Variants in ZNF23 observed in about 807,000 individuals in gnomAD.
The protein encoded by ZNF23 is zinc finger protein 23.
A neutral mutation model predicts 56.2 loss-of-function variants in ZNF23; 48 were observed. That is an observed-to-expected ratio of 0.85 (90% CI 0.68 to 1.09). The LOEUF (loss-of-function observed/expected upper bound fraction) is 1.09. ZNF23 is among the 50% of genes least tolerant of loss of function. The pLI, the probability that ZNF23 is intolerant of heterozygous loss-of-function variation, is 0.00. For missense variants in ZNF23, 805 were observed against 811.4 expected, an observed-to-expected ratio of 0.99 and a Z score of 0.10; for synonymous variants, 266 against 283.3, an observed-to-expected ratio of 0.94 and a Z score of 0.61.
intron 4 of ZNF23, 122 bp downstream of exon 4, chr16:71,453,121 T>G: frequency 1.6e-6 from 1 of 641,878 alleles, no homozygotes; most frequent in Non-Finnish European, 2.7e-6. Flanking sequence ...ATCATCAAAA[T>G]TTACTCAAAC....
intron 2 of ZNF23, among the ~76,000 whole-genome samples, chr16:71,455,829 C>A (rs2043210918): frequency 6.6e-6 from 1 of 152,200 alleles, no homozygotes; most frequent in South Asian, 2.1e-4. Context: ...ACCAAGTTAA[C>A]ATCACTGGTT....
intron 1 of ZNF23, among the ~76,000 whole-genome samples, chr16:71,459,544 G>A (rs1158624232): frequency 6.6e-6 from 1 of 152,162 alleles, no homozygotes; most frequent in Non-Finnish European, 1.5e-5. Context: ...CCACCTTCTT[G>A]AGGTTGCATG....
At chr16:71,461,394 A>G (rs1330694056) in intron 1 of ZNF23, among the ~76,000 whole-genome samples, 1 of 152,356 alleles carries the variant, frequency 6.6e-6, no homozygotes, top group East Asian at 1.9e-4. Context: ...TACAGTGAAC[A>G]TAACCACACT....
At chr16:71,453,162 G>A (rs2043110293) in intron 4 of ZNF23, 81 bp downstream of exon 4, 2 of 974,920 alleles carry the variant, frequency 2.1e-6, no homozygotes, top group African/African-American at 1.6e-5. Flanking sequence ...AATAAACACA[G>A]TATGTTTATA....
chr16:71,454,223 G>C, intron 2 of ZNF23, 55 bp from the exon 3 acceptor site: 1 of 1,580,426 alleles, frequency 6.3e-7, no homozygotes, highest in Non-Finnish European at 8.6e-7. Flanking sequence ...CAGGCCCTAA[G>C]TGAGGGGCAG....
chr16:71,460,296 T>C (rs1411831065), intron 1 of ZNF23, among the ~76,000 whole-genome samples: 1 of 151,026 alleles, frequency 6.6e-6, no homozygotes, highest in Non-Finnish European at 1.5e-5. Flanking sequence ...CTTTGGTCTC[T>C]TGGCTCCCTC....
intron 4 of ZNF23, among the ~76,000 whole-genome samples, chr16:71,452,935 C>T (rs1337836157): frequency 6.6e-6 from 1 of 152,162 alleles, no homozygotes; most frequent in Non-Finnish European, 1.5e-5. Flanking sequence ...GTGAATAATG[C>T]TTAGAAATGG....
rs2042982343 is a variant in ZNF23 at position 71,449,696 on chromosome 16, A to C, written c.458T>G (p.Val153Gly). Residue 153 changes from valine (V) to glycine (G), a missense_variant, in exon 5 of 5, where the codon GTG (valine) becomes GGG (glycine). Coordinates refer to ENST00000647773, the MANE Select transcript of ZNF23 (RefSeq NM_001381984.1). ...KEKSNTIDGT[V>G]KDETSPVEEC... Reference sequence around the variant, plus strand: ...CTCCACGGGGCTTGTCTCATCTTTCACTGTTCCATCAATGGTGTTGCTCTT... The same window carrying C: ...CTCCACGGGGCTTGTCTCATCTTTCCCTGTTCCATCAATGGTGTTGCTCTT... 1 of 1,613,612 alleles carries C rather than the reference A, an allele frequency of 6.2e-7. No individual in the cohort carries two copies. Among genetic ancestry groups the C allele is most frequent in the Admixed American group, 1.7e-5 (1 of 59,986 alleles).
chr16:71,450,291 T>C (rs2145075810), intron 4 of ZNF23: 1 of 166,814 alleles, frequency 6.0e-6, no homozygotes, highest in African/African-American at 2.4e-5. Context: ...CTTTATACAC[T>C]TTCTGTACTG....
rs1303732765 is a variant in ZNF23 at position 71,448,071 on chromosome 16, G to A, written c.*22C>T. On this transcript the variant is annotated 3_prime_UTR_variant, in exon 5 of 5. Coordinates refer to ENST00000647773, the MANE Select transcript of ZNF23 (RefSeq NM_001381984.1). ...ATCCATTTTGGCATTAACCTTAAGA[G>A]TTTTCTATATCTTTCTCATTATTAG... 1 of 1,549,742 alleles carries A rather than the reference G, an allele frequency of 6.5e-7. No individual in the cohort carries two copies. Among genetic ancestry groups the A allele is most frequent in the Admixed American group, 2.0e-5 (1 of 50,180 alleles).
rs1266157818 is a variant in ZNF23, at chr16:71,456,843, A to C, written c.-32-15T>G. On this transcript the variant is annotated splice_polypyrimidine_tract_variant and intron_variant, in intron 1 of 4. Transcript: ENST00000647773. ...AAGGGCTGGAGCTAAGGAGAAACAC[A>C]AAGAGAGACAAGTGTGAGGCAAGCC... 1.0e-6 allele frequency: 1 copy of C among 974,650 alleles called. No homozygotes were observed. Among genetic ancestry groups the C allele is most frequent in the Admixed American group, 6.2e-5 (1 of 16,256 alleles). The allele number at this position is 974,650 out of a possible 1,614,324, so 60.4% of individuals were successfully genotyped here.
At chr16:71,457,509 G>A (rs1486434106) in intron 1 of ZNF23, among the ~76,000 whole-genome samples, 2 of 152,020 alleles carry the variant, frequency 1.3e-5, no homozygotes, top group Admixed American at 6.6e-5. Flanking sequence ...CTTGCAGTGA[G>A]CCAAGATTGC....
chr16:71,452,488 G>C (rs536249266), intron 4 of ZNF23: 4 of 152,154 alleles, frequency 2.6e-5, no homozygotes, highest in African/African-American at 9.7e-5. Flanking sequence ...TACTGGCATC[G>C]CCACATCACC....
intron 2 of ZNF23, among the ~76,000 whole-genome samples, chr16:71,456,351 G>A (rs1482811337): frequency 3.3e-5 from 5 of 152,028 alleles, no homozygotes; most frequent in East Asian, 3.9e-4. Flanking sequence ...TTAGAGGCAC[G>A]GCCATCCTTC....
In ZNF23 at chr16:71,448,664, C is replaced by A; in HGVS notation, c.1490G>T (p.Gly497Val). 1 of 1,614,194 alleles carries A rather than the reference C, an allele frequency of 6.2e-7. No individual in the cohort carries two copies. Among genetic ancestry groups the A allele is most frequent in the South Asian group, 1.1e-5 (1 of 91,084 alleles). ...GEKPYECNEC[G>V]KAFSVNGKLM... Reference sequence around the variant, plus strand: ...TTTCCCATTAACGCTGAAGGCCTTTCCACACTCATTACACTCATAGGGCTT... The same window carrying A: ...TTTCCCATTAACGCTGAAGGCCTTTACACACTCATTACACTCATAGGGCTT... Residue 497 changes from glycine (G) to valine (V), a missense_variant, in exon 5 of 5, where the codon GGA (glycine) becomes GTA (valine). Transcript: ENST00000647773.
Position 71,449,872 on chromosome 16 carries a change from A to G in ZNF23, c.282T>C (p.Thr94=). 1 of 1,600,360 alleles carries G rather than the reference A, an allele frequency of 6.2e-7. No homozygotes were observed. Among genetic ancestry groups the G allele is most frequent in the Non-Finnish European group, 8.5e-7 (1 of 1,175,938 alleles). The part of the protein sequence containing the change: ...LQGLQTVDIQ[T]DNDLTKEMYE... Reference sequence around the variant, plus strand: ...ACATTTCCTTTGTCAAATCATTGTCAGTCTGAATATCTACTATAAAAAACA... The same window carrying G: ...ACATTTCCTTTGTCAAATCATTGTCGGTCTGAATATCTACTATAAAAAACA... Residue 94 remains threonine, a synonymous_variant, in exon 5 of 5, where the codon ACT becomes ACC. Transcript: ENST00000647773.
chr16:71,451,748 T>G (rs931256490), intron 4 of ZNF23: 9 of 152,218 alleles, frequency 5.9e-5, no homozygotes, highest in Non-Finnish European at 1.2e-4. Flanking sequence ...GACTAAGACA[T>G]CTATACTATC....
chr16:71,461,539 G>C (rs1340580416), intron 1 of ZNF23: 1 of 152,198 alleles, frequency 6.6e-6, no homozygotes, highest in Non-Finnish European at 1.5e-5. Context: ...ATGGGGGTAT[G>C]AATTAGCGAT....
Position 71,449,098 on chromosome 16 carries a change from C to T in ZNF23, c.1056G>A (p.Glu352=). The T allele has an allele frequency of 6.2e-7, 1 of 1,614,166 alleles. No individual in the cohort carries two copies. The highest frequency in any genetic ancestry group is 8.5e-7 in the Non-Finnish European group (1 of 1,180,036). ...QRVHTGEKPY[E]CNDCGKAFNV... is the part of the protein sequence containing the mutation. ...TGAACGCTTTCCCACAGTCATTACA[C>T]TCGTAAGGTTTCTCTCCAGTGTGGA... The change falls in exon 5 of 5, where the codon GAG becomes GAA. Residue 352 remains glutamate (E), a synonymous_variant. Transcript: ENST00000647773.
Sources: allele counts gnomAD v4.1 joint callset (sites outside exome capture counted in the v4.1 genomes callset), GRCh38; gene constraint gnomAD v4.1.1; transcripts MANE v1.5; gene names NCBI Gene and HGNC (gene_info 2026-07-23, HGNC 2026-07-21).